Variants in PRICKLE2 observed in about 807,000 individuals in gnomAD.
PRICKLE2 encodes prickle-like protein 2.
A neutral mutation model predicts 81.4 loss-of-function variants in PRICKLE2; 21 were observed. The ratio of observed to expected loss-of-function variants is 0.26; its 90% CI spans 0.18 to 0.37. The LOEUF (loss-of-function observed/expected upper bound fraction) is 0.37. Ranked by LOEUF, PRICKLE2 falls within the 10% of genes least tolerant of loss-of-function variation. The probability of loss-of-function intolerance (pLI) is 1.00; values close to 1 mark genes in which losing one functional copy is unlikely to be tolerated. For missense variants in PRICKLE2, 940 were observed against 1,109.0 expected, an observed-to-expected ratio of 0.85 and a Z score of 2.16; for synonymous variants, 456 against 421.5, an observed-to-expected ratio of 1.08 and a Z score of -1.00.
At position 64,218,755 on chromosome 3, in the gene PRICKLE2, G is replaced by A. The variant is rs543311758; in HGVS notation, c.-41+6155C>T. Among the ~76,000 whole-genome samples, 593 of 152,252 alleles carry A rather than the reference G, an allele frequency of 3.9e-3. 4 individuals carry two copies. The highest frequency in any genetic ancestry group is 0.014 in the African/African-American group (566 of 41,538). The stretch of plus-strand genomic sequence containing the variant: ...AAGTGACAATTGGAACTAGACTCTG[G>A]ACTTTCTGAATTTAGTCAAATTTTC... On this transcript the variant is annotated intron_variant, in intron 1 of 7. Coordinates refer to ENST00000638394, the MANE Select transcript of PRICKLE2 (RefSeq NM_198859.4).
At chr3:64,153,532 C>G in intron 5 of PRICKLE2, 164 bp from the exon 6 acceptor site, 1 of 646,308 alleles carries the variant, frequency 1.5e-6, no homozygotes, top group Non-Finnish European at 2.7e-6. Flanking sequence ...GTATGTATAT[C>G]AGTTCCTATA....
intron 7 of PRICKLE2, chr3:64,102,579 T>C (rs973231586): frequency 9.8e-5 from 15 of 152,392 alleles, no homozygotes; most frequent in African/African-American, 3.6e-4. Flanking sequence ...TTAAAGTGAG[T>C]TGTGTAATTA....
rs1252510053 is a variant in PRICKLE2, at chr3:64,261,246, TGAGGAAAG to T, written c.129-62287_129-62280del. On this transcript the variant is annotated intron_variant, in intron 2 of 8. Transcript: ENST00000295902. ...CAACCCCCAGGAAGTAAGAGGGAGA[TGAGGAAAG>T]GAGGAGAGTAATAAAAATAACTTAA... 5.3e-5 allele frequency among the ~76,000 whole-genome samples: 8 copies of T among 152,210 alleles called. No individual in the cohort carries two copies. The East Asian group carries it at 7.8e-4, about 15-fold the overall frequency.
intron 7 of PRICKLE2, chr3:64,141,707 GC>G: frequency 6.0e-6 from 4 of 669,006 alleles, no homozygotes; most frequent in Non-Finnish European, 7.4e-6. Flanking sequence ...AGAGGCCAAA[GC>G]CCAGATCTGA....
chr3:64,188,503 A>T (rs1394635053), intron 2 of PRICKLE2, among the ~76,000 whole-genome samples: 2 of 152,206 alleles, frequency 1.3e-5, no homozygotes, highest in African/African-American at 4.8e-5. Flanking sequence ...AAGAGTCTAC[A>T]TTTAACAAGT....
At chr3:64,172,009 T>A (rs2077940259) in intron 2 of PRICKLE2, among the ~76,000 whole-genome samples, 1 of 152,164 alleles carries the variant, frequency 6.6e-6, no homozygotes, top group South Asian at 2.1e-4. Context: ...CAGAATCACA[T>A]GAGTTGCTTT....
chr3:64,226,950 G>A (rs962099274), upstream of PRICKLE2, among the ~76,000 whole-genome samples: 3 of 152,192 alleles, frequency 2.0e-5, no homozygotes, highest in East Asian at 3.9e-4. Flanking sequence ...CAGCTAGCAC[G>A]GCTCCTTGCC....
At chr3:64,107,880 T>G (rs1575543503) in intron 7 of PRICKLE2, among the ~76,000 whole-genome samples, 1 of 152,352 alleles carries the variant, frequency 6.6e-6, no homozygotes, top group East Asian at 1.9e-4. Flanking sequence ...TATTCAACCA[T>G]GTCCTCCAGA....
chr3:64,263,735 T>A (rs186182414), intron 2 of PRICKLE2, among the ~76,000 whole-genome samples: 5 of 152,154 alleles, frequency 3.3e-5, no homozygotes, highest in African/African-American at 1.2e-4. Flanking sequence ...GATGGAAACA[T>A]AACTGTCTTA....
At chr3:64,210,708 C>G (rs2078772068) in intron 1 of PRICKLE2, among the ~76,000 whole-genome samples, 1 of 152,212 alleles carries the variant, frequency 6.6e-6, no homozygotes, top group Admixed American at 6.5e-5. Context: ...TATCTTGTAA[C>G]TTTTGAGCAG....
chr3:64,113,224 A>G (rs1371583060), intron 7 of PRICKLE2, among the ~76,000 whole-genome samples: 1 of 152,190 alleles, frequency 6.6e-6, no homozygotes, highest in Admixed American at 6.5e-5. Flanking sequence ...GGGTGTCTGC[A>G]GTGCAGCACG....
At chr3:64,209,921 A>T (rs2078758088) in intron 1 of PRICKLE2, among the ~76,000 whole-genome samples, 1 of 152,212 alleles carries the variant, frequency 6.6e-6, no homozygotes, top group Non-Finnish European at 1.5e-5. Flanking sequence ...GAAGACTATG[A>T]GGCAGATATG....
intron 2 of PRICKLE2, among the ~76,000 whole-genome samples, chr3:64,170,204 T>C (rs2077905827): frequency 6.6e-6 from 1 of 152,208 alleles, no homozygotes; most frequent in Admixed American, 6.5e-5. Flanking sequence ...TAATGCCTAA[T>C]GCCTAAACAA....
At chr3:64,168,072 CTAGA>C (rs1366010666) in intron 2 of PRICKLE2, among the ~76,000 whole-genome samples, 1 of 152,136 alleles carries the variant, frequency 6.6e-6, no homozygotes, top group Non-Finnish European at 1.5e-5. Context: ...CCTTCCACAC[CTAGA>C]TATATGATTC....
chr3:64,169,583 C>T (rs2077895315), intron 2 of PRICKLE2, among the ~76,000 whole-genome samples: 1 of 152,132 alleles, frequency 6.6e-6, no homozygotes, highest in Non-Finnish European at 1.5e-5. Context: ...GAACTATGCA[C>T]TCTTAACACC....
chr3:64,163,144 G>A lies in PRICKLE2; in HGVS notation c.145-15C>T. ...TACTGGTGTACCTGAAGGACAGAAA[G>A]CATATAGATGACTTGCCCATTACTC... On this transcript the variant is annotated splice_polypyrimidine_tract_variant and intron_variant, in intron 2 of 7. Transcript: ENST00000638394. 6.9e-7 allele frequency: 1 copy of A among 1,455,564 alleles called. No individual in the cohort carries two copies. The highest frequency in any genetic ancestry group is 9.7e-7 in the Non-Finnish European group (1 of 1,035,362). 90.2% of individuals were successfully genotyped at this position (1,455,564 alleles called of 1,614,324 possible).
At chr3:64,120,159 G>A (rs532966580) in intron 7 of PRICKLE2, among the ~76,000 whole-genome samples, 1 of 152,070 alleles carries the variant, frequency 6.6e-6, no homozygotes, top group African/African-American at 2.4e-5. Flanking sequence ...TCAGCATCAC[G>A]TACTACACCC....
intron 2 of PRICKLE2, among the ~76,000 whole-genome samples, chr3:64,188,059 G>A (rs930570062): frequency 2.0e-5 from 3 of 152,186 alleles, no homozygotes; most frequent in Non-Finnish European, 2.9e-5. Context: ...GACAGGAATG[G>A]GATTGGGTAG....
At chr3:64,236,205 T>G (rs948138785) in intron 2 of PRICKLE2, among the ~76,000 whole-genome samples, 3 of 152,180 alleles carry the variant, frequency 2.0e-5, no homozygotes, top group Non-Finnish European at 2.9e-5. Context: ...CTAGCATACT[T>G]AGATCATGAT....
Sources: allele counts gnomAD v4.1 joint callset (sites outside exome capture counted in the v4.1 genomes callset), GRCh38; gene constraint gnomAD v4.1.1; transcripts MANE v1.5; gene names NCBI Gene and HGNC (gene_info 2026-07-23, HGNC 2026-07-21).